The following CSMD2 variants were observed in gnomAD, a reference collection of about 807,000 sequenced individuals.
The protein encoded by CSMD2 is CUB and sushi domain-containing protein 2.
A neutral mutation model predicts 398.5 loss-of-function variants in CSMD2; 130 were observed. The ratio of observed to expected loss-of-function variants is 0.33; its 90% confidence interval spans 0.28 to 0.38. The LOEUF is 0.38. CSMD2 is among the 10% of genes least tolerant of loss of function. CSMD2 has a pLI of 1.00. For synonymous variants in CSMD2, 1,828 were observed against 1,908.5 expected, an observed-to-expected ratio of 0.96 and a Z score of 1.10; for missense variants, 3,829 against 4,764.9, an observed-to-expected ratio of 0.80 and a Z score of 5.78.
intron 3 of CSMD2, among the ~76,000 whole-genome samples, chr1:33,968,620 T>C (rs1274210703): frequency 6.6e-6 from 1 of 152,198 alleles, no homozygotes; most frequent in Non-Finnish European, 1.5e-5. Context: ...CAGAGTGGCC[T>C]CCACCTGACA....
chr1:33,724,403 G>GA, intron 18 of CSMD2, 90 bp from the exon 19 acceptor site: 1 of 1,519,908 alleles, frequency 6.6e-7, no homozygotes. Flanking sequence ...CCCATCTCTC[G>GA]AAAGCCCAAC....
At chr1:33,872,916 G>T (rs1640574050) in intron 5 of CSMD2, among the ~76,000 whole-genome samples, 1 of 152,188 alleles carries the variant, frequency 6.6e-6, no homozygotes, top group African/African-American at 2.4e-5. Flanking sequence ...CAAGAAACTT[G>T]CAGTCTTTTC....
chr1:34,124,220 A>G (rs1425203056), intron 1 of CSMD2, among the ~76,000 whole-genome samples: 2 of 152,330 alleles, frequency 1.3e-5, no homozygotes, highest in East Asian at 3.9e-4. Context: ...TGCACTCAGC[A>G]CACATATATT....
At chr1:33,909,664 T>C (rs1006607683) in intron 5 of CSMD2, among the ~76,000 whole-genome samples, 3 of 152,132 alleles carry the variant, frequency 2.0e-5, no homozygotes, top group Admixed American at 6.5e-5. Context: ...GTGACCATAA[T>C]GAAGGAGATT....
In CSMD2 at chr1:33,533,938, C is replaced by T. The variant is rs952851472; in HGVS notation, c.9880-31G>A. On this transcript the variant is annotated intron_variant, in intron 62 of 70. Coordinates refer to ENST00000373381, the MANE Select transcript of CSMD2 (RefSeq NM_001281956.2). This position sits in a 1 kb window ranked among gnomAD's most constrained non-coding sequence, Gnocchi z 4.2. The stretch of plus-strand genomic sequence containing the variant: ...GCAAGATACAAAGTCCCATCAGCCC[C>T]TTCCTTTCAGCGGTGCTTCCTACGT... 6.9e-7 allele frequency: 1 copy of T among 1,451,092 alleles called. No individual in the cohort carries two copies. The highest frequency in any genetic ancestry group is 9.7e-7 in the Non-Finnish European group (1 of 1,033,010). The allele number at this position is 1,451,092 out of a possible 1,614,324, so 89.9% of individuals were successfully genotyped here.
At chr1:33,925,403 G>C (rs1459360258) in intron 4 of CSMD2, among the ~76,000 whole-genome samples, 1 of 152,126 alleles carries the variant, frequency 6.6e-6, no homozygotes, top group Non-Finnish European at 1.5e-5. Flanking sequence ...TCATTGGTCT[G>C]TGTCTGTTTT....
chr1:33,912,018 G>A (rs1047417861), intron 5 of CSMD2, among the ~76,000 whole-genome samples: 26 of 152,104 alleles, frequency 1.7e-4, no homozygotes, highest in Admixed American at 2.0e-4. Flanking sequence ...CATCCTTCTC[G>A]ACCTGTCTCA....
At chr1:34,045,759 G>C (rs1570926439) in intron 2 of CSMD2, among the ~76,000 whole-genome samples, 1 of 152,322 alleles carries the variant, frequency 6.6e-6, no homozygotes, top group East Asian at 1.9e-4. Flanking sequence ...AATCCTCTAA[G>C]CACACTCGCT....
intron 54 of CSMD2, among the ~76,000 whole-genome samples, chr1:33,558,789 C>T (rs927232768): frequency 6.6e-6 from 1 of 152,078 alleles, no homozygotes; most frequent in African/African-American, 2.4e-5. Flanking sequence ...GCCCTCACCC[C>T]CTTTATCTCA....
chr1:34,007,710 G>C (rs1220865645), intron 3 of CSMD2, among the ~76,000 whole-genome samples: 1 of 152,038 alleles, frequency 6.6e-6, no homozygotes, highest in Non-Finnish European at 1.5e-5. Flanking sequence ...TTAAACACAG[G>C]GGATTGGCTG....
chr1:33,912,524 T>C (rs1643506969), intron 5 of CSMD2, among the ~76,000 whole-genome samples: 1 of 151,882 alleles, frequency 6.6e-6, no homozygotes, highest in Admixed American at 6.6e-5. Flanking sequence ...TAGGAAGAAT[T>C]TGCCCCTTGG....
At chr1:33,569,954 C>G (rs1271077429) in intron 51 of CSMD2, among the ~76,000 whole-genome samples, 1 of 152,306 alleles carries the variant, frequency 6.6e-6, no homozygotes, top group South Asian at 2.1e-4. Flanking sequence ...CCAGCAGCCT[C>G]ACACTCTTTG....
chr1:33,821,972 G>A (rs1436168634), intron 7 of CSMD2, among the ~76,000 whole-genome samples: 1 of 152,196 alleles, frequency 6.6e-6, no homozygotes, highest in African/African-American at 2.4e-5. Context: ...CAGAGTAGGA[G>A]GGAAGGTGAA....
At chr1:34,118,148 G>A (rs1253965062) in intron 1 of CSMD2, among the ~76,000 whole-genome samples, 14 of 152,136 alleles carry the variant, frequency 9.2e-5, no homozygotes, top group African/African-American at 2.7e-4. Flanking sequence ...CCCAGGAGGC[G>A]AAGGTTGCAG....
In CSMD2 at chr1:33,966,303, T is replaced by C. The variant is rs548877257; in HGVS notation, c.518-30349A>G. On this transcript the variant is annotated intron_variant, in intron 3 of 70. Transcript: ENST00000373381. ...TCCCTAGAAGCAACCATGAAAATTT[T>C]CTGCCCTGATGGTTGCAAATCCTTG... 4.5e-4 allele frequency among the ~76,000 whole-genome samples: 68 copies of C among 152,344 alleles called. 1 individual carries two copies. In the Middle Eastern group the frequency reaches 0.02, roughly 46 times the overall value.
intron 29 of CSMD2, among the ~76,000 whole-genome samples, chr1:33,641,782 G>A (rs1181974733): frequency 1.3e-5 from 2 of 152,132 alleles, no homozygotes; most frequent in Admixed American, 6.5e-5. Flanking sequence ...AGGGTCCGTC[G>A]GTCTAGTTGT....
At position 34,157,692 on chromosome 1, in the gene CSMD2, A is replaced by G. The variant is rs185889983; in HGVS notation, c.187+7219T>C. 1.8e-4 allele frequency among the ~76,000 whole-genome samples: 27 copies of G among 150,358 alleles called. No homozygotes were observed. In the East Asian group the frequency reaches 4.3e-3, roughly 24 times the overall value. ...CATCCCCGACATCACATCTCACTCA[A>G]TCCTATCCCATTCCATTCCATCACC... is the stretch of plus-strand genomic sequence containing the variant. On this transcript the variant is annotated intron_variant, in intron 1 of 70. Transcript: ENST00000373381.
chr1:33,933,271 G>A (rs1260705924), intron 4 of CSMD2, among the ~76,000 whole-genome samples: 1 of 152,198 alleles, frequency 6.6e-6, no homozygotes, highest in Admixed American at 6.5e-5. Context: ...GGGAGACAGG[G>A]CATTGAGTTC....
intron 12 of CSMD2, among the ~76,000 whole-genome samples, chr1:33,775,299 T>G (rs1651825833): frequency 6.6e-6 from 1 of 152,240 alleles, no homozygotes; most frequent in Non-Finnish European, 1.5e-5. Flanking sequence ...GTCCCAGCAC[T>G]GTCAGAGCCT....
Sources: gnomAD v4.1 joint callset for allele counts (sites outside exome capture counted in the v4.1 genomes callset) on GRCh38, gnomAD v4.1.1 for gene constraint, Gnocchi (gnomAD v3.1) non-coding constraint, MANE v1.5 for transcripts, NCBI Gene and HGNC (gene_info 2026-07-23, HGNC 2026-07-21) for gene names.